ISL1: variants seen among roughly 807,000 people sequenced by gnomAD.
ISL1 encodes ISL LIM homeobox 1.
ISL1 carries 4 observed loss-of-function variants against 35.3 expected under a neutral mutation model. That is an observed-to-expected ratio of 0.11 (90% CI 0.06 to 0.26). The LOEUF (loss-of-function observed/expected upper bound fraction) is 0.26. Ranked by LOEUF, ISL1 falls within the 10% of genes least tolerant of loss-of-function variation. The pLI, the probability that ISL1 is intolerant of heterozygous loss-of-function variation, is 1.00. For missense variants in ISL1, 340 were observed against 472.8 expected (o/e 0.72, Z 2.60); for synonymous variants, 186 against 172.3 (o/e 1.08, Z -0.62).
chr5:51,390,636 C>CTTTTTGTTTTTTTTTT (rs1216503548), intron 4 of ISL1, among the ~76,000 whole-genome samples: 1 of 74,330 alleles, frequency 1.3e-5, no homozygotes, highest in Non-Finnish European at 2.8e-5. Flanking sequence ...TCTTTTCTTT[C>CTTTTTGTTTTTTTTTT]TTTTTCTTTT....
intron 1 of ISL1, among the ~76,000 whole-genome samples, chr5:51,383,977 G>A (rs932142515): frequency 1.2e-4 from 19 of 152,106 alleles, no homozygotes; most frequent in African/African-American, 4.6e-4. Context: ...GGAATCCTGA[G>A]CTCTCCGAGA....
chr5:51,393,597 C>T lies in ISL1; in HGVS notation c.1037C>T (p.Pro346Leu). The T allele has an allele frequency of 6.3e-7, 1 of 1,592,620 alleles. No homozygotes were observed. The highest frequency in any genetic ancestry group is 8.6e-7 in the Non-Finnish European group (1 of 1,160,430). ...PDTPNSMVAS[P>L]IEA is the part of the protein sequence containing the mutation. ...ACACCTAACAGCATGGTAGCCAGTCCTATTGAGGCATGAGGAACATTCATT... is the reference window on the plus strand; with the variant it reads ...ACACCTAACAGCATGGTAGCCAGTCTTATTGAGGCATGAGGAACATTCATT... Residue 346 changes from proline (P) to leucine (L), a missense_variant, in exon 6 of 6, where the codon CCT becomes CTT. Pro to Leu is a moderately conservative substitution (Grantham distance 98, BLOSUM62 -3). Around this residue, in one of 7 missense-constraint regions of ISL1, gnomAD observed 104 missense variants for 97.3 expected, o/e 1.07. Transcript: ENST00000230658.
chr5:51,384,680 T>C lies in ISL1; in HGVS notation c.168T>C (p.Cys56=), dbSNP rs1747301040. ...AECNQYLDES[C]TCFVRDGKTY... is the part of the protein sequence containing the mutation. Reference sequence around the variant, plus strand: ...GTAATCAGTATTTGGACGAGAGCTGTACATGCTTTGTTAGGGATGGGAAAA... The same window carrying C: ...GTAATCAGTATTTGGACGAGAGCTGCACATGCTTTGTTAGGGATGGGAAAA... The change falls in exon 2 of 6, where the codon TGT becomes TGC. Residue 56 remains cysteine, a synonymous_variant. Coordinates refer to ENST00000230658, the MANE Select transcript of ISL1 (RefSeq NM_002202.3). 6.2e-7 allele frequency: 1 copy of C among 1,614,066 alleles called. No homozygotes were observed. Among genetic ancestry groups the C allele is most frequent in the Non-Finnish European group, 8.5e-7 (1 of 1,180,020 alleles).
intron 4 of ISL1, among the ~76,000 whole-genome samples, chr5:51,390,261 G>A (rs1262568874): frequency 6.6e-6 from 1 of 152,188 alleles, no homozygotes; most frequent in Non-Finnish European, 1.5e-5. Context: ...GAGGGCAGGC[G>A]GCAACGAGGT....
At position 51,384,674 on chromosome 5, in the gene ISL1, G is replaced by A; in HGVS notation, c.162G>A (p.Glu54=). ...KCAECNQYLD[E]SCTCFVRDGK... is the part of the protein sequence containing the mutation. ...CGGAGTGTAATCAGTATTTGGACGA[G>A]AGCTGTACATGCTTTGTTAGGGATG... The change falls in exon 2 of 6, where the codon GAG becomes GAA. Residue 54 remains glutamate, a synonymous_variant. Transcript: ENST00000230658. The A allele has an allele frequency of 6.2e-7, 1 of 1,614,162 alleles. No individual in the cohort carries two copies. The highest frequency in any genetic ancestry group is 8.5e-7 in the Non-Finnish European group (1 of 1,180,008).
In ISL1 at chr5:51,394,481, A is replaced by C. The variant is rs1747591419; in HGVS notation, c.*871A>C. On this transcript the variant is annotated 3_prime_UTR_variant, in exon 6 of 6. Transcript: ENST00000230658. ...GGAAACTTTTTTTGTTTGCTCTTGC[A>C]TTGCAAAAATTATAAAGTAATTTAT... The C allele has an allele frequency of 6.6e-6, 1 of 151,860 alleles. No individual in the cohort carries two copies. The highest frequency in any genetic ancestry group is 2.1e-4 in the South Asian group (1 of 4,824). The allele number at this position is 151,860 out of a possible 1,614,324, so 9.4% of individuals were successfully genotyped here. A position where few individuals can be genotyped will look rare whatever the true frequency, so the allele number is the denominator to read the frequency against.
rs751442024 is a variant in ISL1 at position 51,389,592 on chromosome 5, CG to C, written c.479-51del. 43 of 1,418,276 alleles carry C rather than the reference CG, an allele frequency of 3.0e-5. No homozygotes were observed. In the East Asian group the frequency reaches 4.5e-4, roughly 15 times the overall value. 87.9% of individuals were successfully genotyped at this position (1,418,276 alleles called of 1,614,324 possible). A position where few individuals can be genotyped will look rare whatever the true frequency, so the allele number is the denominator to read the frequency against. ...GAGCGAGCGAGCGCGCGACCGCGGGCGGGCCGGCAAGCGAGCCTCCAGCCCA... is the reference window on the plus strand; with the variant it reads ...GAGCGAGCGAGCGCGCGACCGCGGGCGGCCGGCAAGCGAGCCTCCAGCCCA... On this transcript the variant is annotated intron_variant, in intron 3 of 5. Transcript: ENST00000230658. The surrounding 1 kb of genome is among the most constrained non-coding windows in gnomAD (Gnocchi z 5.0).
rs370924974 is a variant in ISL1, at chr5:51,389,336, T to G, written c.479-310T>G. ...GGACAGACTTTGAGACCTGCTTCCC[T>G]TGGCTAACACTTTGTTGACACGAGG... On this transcript the variant is annotated intron_variant, in intron 3 of 5. Transcript: ENST00000230658. This position sits in a 1 kb window ranked among gnomAD's most constrained non-coding sequence, Gnocchi z 5.0. Among the ~76,000 whole-genome samples the G allele has an allele frequency of 6.6e-6, 1 of 152,158 alleles. No homozygotes were observed. The highest frequency in any genetic ancestry group is 1.9e-4 in the East Asian group (1 of 5,174).
Position 51,383,744 on chromosome 5 carries a change from T to C in ISL1, c.28+45T>C, listed in dbSNP as rs375874713. The C allele has an allele frequency of 1.0e-5, 16 of 1,556,304 alleles. No individual in the cohort carries two copies. In the African/African-American group the frequency reaches 2.2e-4, roughly 21 times the overall value. The stretch of plus-strand genomic sequence containing the variant: ...TGTGGGGCTCGGTGTGCTGTTCTTG[T>C]GCGGGGTTCTCTCTCAGGCACAGGC... On this transcript the variant is annotated intron_variant, in intron 1 of 5. Transcript: ENST00000230658.
rs1747366467 is a variant in ISL1 at position 51,387,249 on chromosome 5, T to G, written c.219-241T>G. On this transcript the variant is annotated intron_variant, in intron 2 of 5. Coordinates refer to ENST00000230658, the MANE Select transcript of ISL1 (RefSeq NM_002202.3). The surrounding 1 kb of genome is among the most constrained non-coding windows in gnomAD (Gnocchi z 4.3). ...AGGTTCATCGGAAAGGAAACGGGAG[T>G]AAAAGAAAGGGAGGAGGGAGGGAGG... is the stretch of plus-strand genomic sequence containing the variant. Among the ~76,000 whole-genome samples the G allele has an allele frequency of 6.7e-6, 1 of 148,770 alleles. No homozygotes were observed. The highest frequency in any genetic ancestry group is 2.5e-5 in the African/African-American group (1 of 40,120).
chr5:51,388,093 C>T (rs900275716), intron 3 of ISL1, among the ~76,000 whole-genome samples: 3 of 152,244 alleles, frequency 2.0e-5, no homozygotes, highest in Non-Finnish European at 4.4e-5. Flanking sequence ...GCTTCAGCTC[C>T]CAGCCAGGTA....
chr5:51,393,544 A>T lies in ISL1; in HGVS notation c.984A>T (p.Val328=). The part of the protein sequence containing the change: ...GPGSNSTGSE[V]ASMSSQLPDT... ...GCTCTAATTCCACTGGCAGTGAAGT[A>T]GCATCAATGTCCTCTCAACTTCCAG... The change falls in exon 6 of 6, where the codon GTA becomes GTT. Residue 328 remains valine, a synonymous_variant. Transcript: ENST00000230658. 6.2e-7 allele frequency: 1 copy of T among 1,614,060 alleles called. No homozygotes were observed. Among genetic ancestry groups the T allele is most frequent in the Non-Finnish European group, 8.5e-7 (1 of 1,179,878 alleles).
rs1435635029 is a variant in ISL1, at chr5:51,387,544, C to T, written c.273C>T (p.Phe91=). ...KCSIGFSKND[F]VMRARSKVYH... ...GCATCGGCTTCAGCAAGAACGACTTCGTGATGCGTGCCCGCTCCAAGGTGT... is the reference window on the plus strand; with the variant it reads ...GCATCGGCTTCAGCAAGAACGACTTTGTGATGCGTGCCCGCTCCAAGGTGT... Residue 91 remains phenylalanine (F), a synonymous_variant, in exon 3 of 6, where the codon TTC becomes TTT. Transcript: ENST00000230658. This position sits in a 1 kb window ranked among gnomAD's most constrained non-coding sequence, Gnocchi z 4.3. 2 of 1,614,210 alleles carry T rather than the reference C, an allele frequency of 1.2e-6. No individual in the cohort carries two copies. Among genetic ancestry groups the T allele is most frequent in the Non-Finnish European group, 1.7e-6 (2 of 1,180,042 alleles).
intron 4 of ISL1, among the ~76,000 whole-genome samples, 184 bp downstream of exon 4, chr5:51,390,116 C>T (rs577472159): frequency 6.6e-6 from 1 of 152,208 alleles, no homozygotes; most frequent in East Asian, 2.0e-4. Flanking sequence ...CGGCGCCGGC[C>T]GCCAGCTGAG....
chr5:51,383,805 G>T (rs1179460415), intron 1 of ISL1, 106 bp downstream of exon 1: 5 of 979,484 alleles, frequency 5.1e-6, no homozygotes, highest in Admixed American at 1.7e-5. Flanking sequence ...TGGAGTCATT[G>T]CCTGGAGAAA....
intron 5 of ISL1, among the ~76,000 whole-genome samples, chr5:51,392,144 C>T (rs1055372675): frequency 3.3e-5 from 5 of 152,118 alleles, no homozygotes; most frequent in Non-Finnish European, 7.4e-5. Context: ...ATGAGCTCTA[C>T]CAATCAGAAG....
intron 2 of ISL1, among the ~76,000 whole-genome samples, chr5:51,385,017 AC>A (rs1428004737): frequency 2.6e-5 from 4 of 151,760 alleles, no homozygotes; most frequent in Non-Finnish European, 5.9e-5. Flanking sequence ...TTCCTCTTTC[AC>A]CCTCCCCCTT....
Position 51,387,655 on chromosome 5 carries a change from C to G in ISL1, c.384C>G (p.Phe128Leu), listed in dbSNP as rs761751076. 2 of 1,614,248 alleles carry G rather than the reference C, an allele frequency of 1.2e-6. No individual in the cohort carries two copies. The highest frequency in any genetic ancestry group is 2.2e-5 in the South Asian group (2 of 91,086). Residue 128 changes from phenylalanine to leucine, a missense_variant, in exon 3 of 6, where the codon TTC becomes TTG. Transcript: ENST00000230658. The surrounding 1 kb of genome is among the most constrained non-coding windows in gnomAD (Gnocchi z 4.3). The part of the protein sequence containing the change: ...DEFALREDGL[F>L]CRADHDVVER... ...TTGCGCTTCGGGAGGACGGTCTCTTCTGCCGAGCAGACCACGATGTGGTGG... is the reference window on the plus strand; with the variant it reads ...TTGCGCTTCGGGAGGACGGTCTCTTGTGCCGAGCAGACCACGATGTGGTGG...
In ISL1 at chr5:51,384,657, A is replaced by C; in HGVS notation, c.145A>C (p.Asn49His). Residue 49 changes from asparagine to histidine, a missense_variant, in exon 2 of 6, where the codon AAT becomes CAT. Coordinates refer to ENST00000230658, the MANE Select transcript of ISL1 (RefSeq NM_002202.3). ...GGCATGTTTGAAATGTGCGGAGTGTAATCAGTATTTGGACGAGAGCTGTAC... is the reference window on the plus strand; with the variant it reads ...GGCATGTTTGAAATGTGCGGAGTGTCATCAGTATTTGGACGAGAGCTGTAC... ...HAACLKCAEC[N>H]QYLDESCTCF... 6.2e-7 allele frequency: 1 copy of C among 1,614,156 alleles called. No individual in the cohort carries two copies. Among genetic ancestry groups the C allele is most frequent in the Non-Finnish European group, 8.5e-7 (1 of 1,179,996 alleles).
Sources: gnomAD v4.1 joint callset for allele counts (sites outside exome capture counted in the v4.1 genomes callset) on GRCh38, gnomAD v4.1.1 for gene constraint, gnomAD v4.1.1 regional missense constraint, Gnocchi (gnomAD v3.1) non-coding constraint, MANE v1.5 for transcripts, NCBI Gene and HGNC (gene_info 2026-07-23, HGNC 2026-07-21) for gene names.